The following FGFRL1 variants were observed in gnomAD, a reference collection of about 807,000 sequenced individuals.
The protein encoded by FGFRL1 is fibroblast growth factor receptor-like 1.
Under a neutral mutation model 36.8 loss-of-function variants are expected in FGFRL1, and 24 were observed. The ratio of observed to expected loss-of-function variants is 0.65; its 90% CI spans 0.47 to 0.92. FGFRL1 has a LOEUF of 0.92. Ranked by LOEUF, FGFRL1 falls within the 40% of genes least tolerant of loss-of-function variation. The pLI is 0.00. For synonymous variants in FGFRL1, 422 were observed against 344.1 expected, an observed-to-expected ratio of 1.23 and a Z score of -2.50; for missense variants, 785 against 753.4, an observed-to-expected ratio of 1.04 and a Z score of -0.49.
chr4:1,020,143 G>C (rs778749844), intron 2 of FGFRL1, among the ~76,000 whole-genome samples: 6 of 152,236 alleles, frequency 3.9e-5, no homozygotes, highest in Non-Finnish European at 7.3e-5. Flanking sequence ...AGTGGGAGAC[G>C]TCACAGGGCC....
rs752969422 is a variant in FGFRL1 at position 1,024,129 on chromosome 4, C to G, written c.718+28C>G. 9.8e-6 allele frequency: 7 copies of G among 712,032 alleles called. No homozygotes were observed. The South Asian group carries it at 1.2e-4, about 12-fold the overall frequency. The allele number at this position is 712,032 out of a possible 1,614,324, so 44.1% of individuals were successfully genotyped here. Reference sequence around the variant, plus strand: ...GAGTGTGGCCCCGGGCGCTGGCGGGCGGGGGGTGCTGGTGGGCGGGGGCGC... The same window carrying G: ...GAGTGTGGCCCCGGGCGCTGGCGGGGGGGGGGTGCTGGTGGGCGGGGGCGC... On this transcript the variant is annotated intron_variant, in intron 5 of 6. Transcript: ENST00000510644.
In FGFRL1 at chr4:1,025,038, G is replaced by A. The variant is rs1443502789; in HGVS notation, c.1206G>A (p.Gln402=). The change falls in exon 7 of 7, where the codon CAG becomes CAA. Residue 402 remains glutamine, a synonymous_variant. Transcript: ENST00000510644. The part of the protein sequence containing the change: ...GTLLLWLCQA[Q]KKPCTPAPAP... Reference sequence around the variant, plus strand: ...TGCTCCTGTGGCTTTGCCAGGCCCAGAAGAAGCCGTGCACCCCCGCGCCTG... The same window carrying A: ...TGCTCCTGTGGCTTTGCCAGGCCCAAAAGAAGCCGTGCACCCCCGCGCCTG... The A allele has an allele frequency of 2.3e-5, 37 of 1,610,802 alleles. No homozygotes were observed. The highest frequency in any genetic ancestry group is 3.1e-5 in the Non-Finnish European group (37 of 1,179,482).
chr4:1,024,388 T>G lies in FGFRL1; in HGVS notation c.796T>G (p.Phe266Val), dbSNP rs1716382520. Reference protein sequence around the residue: ...TTVDFGGTTSFQCKVRSDVKP... With the variant: ...TTVDFGGTTSVQCKVRSDVKP... ...GGTGGACTTCGGGGGGACCACGTCC[T>G]TCCAGTGCAAGGTGCGCAGCGACGT... The change falls in exon 6 of 7, where the codon TTC becomes GTC. Residue 266 changes from phenylalanine to valine, a missense_variant. Phe to Val is a conservative substitution (Grantham distance 50). Coordinates refer to ENST00000510644, the MANE Select transcript of FGFRL1 (RefSeq NM_001004356.3). 6.2e-7 allele frequency: 1 copy of G among 1,612,480 alleles called. No homozygotes were observed.
At position 1,025,061 on chromosome 4, in the gene FGFRL1, C is replaced by T; in HGVS notation, c.1229C>T (p.Pro410Leu). Residue 410 changes from proline to leucine, a missense_variant, in exon 7 of 7, where the codon CCT (proline) becomes CTT (leucine). Pro to Leu is a moderately conservative substitution (Grantham distance 98). Transcript: ENST00000510644. ...CAGAAGAAGCCGTGCACCCCCGCGC[C>T]TGCCCCTCCCCTGCCTGGGCACCGC... ...QAQKKPCTPA[P>L]APPLPGHRPP... 1.2e-6 allele frequency: 2 copies of T among 1,609,904 alleles called. No individual in the cohort carries two copies. The highest frequency in any genetic ancestry group is 1.7e-6 in the Non-Finnish European group (2 of 1,178,588).
Position 1,025,520 on chromosome 4 carries a change from C to A in FGFRL1, c.*173C>A, listed in dbSNP as rs1716471994. ...CTGGACACACACACACAGACACACA[C>A]ACTGCCTGGATGCATGTATGCACAC... On this transcript the variant is annotated 3_prime_UTR_variant, in exon 7 of 7. Coordinates refer to ENST00000510644, the MANE Select transcript of FGFRL1 (RefSeq NM_001004356.3). 2 of 785,984 alleles carry A rather than the reference C, an allele frequency of 2.5e-6. No individual in the cohort carries two copies. The highest frequency in any genetic ancestry group is 4.0e-6 in the Non-Finnish European group (2 of 498,774). 48.7% of individuals were successfully genotyped at this position (785,984 alleles called of 1,614,324 possible).
Position 1,023,464 on chromosome 4 carries a change from G to T in FGFRL1, c.353-177G>T, listed in dbSNP as rs760756703. Among the ~76,000 whole-genome samples, 51 of 152,176 alleles carry T rather than the reference G, an allele frequency of 3.4e-4. No individual in the cohort carries two copies. Among genetic ancestry groups the T allele is most frequent in the Admixed American group, 2.7e-3 (42 of 15,288 alleles). On this transcript the variant is annotated intron_variant, in intron 3 of 6. Transcript: ENST00000510644. The surrounding 1 kb of genome is among the most constrained non-coding windows in gnomAD (Gnocchi z 6.0). The stretch of plus-strand genomic sequence containing the variant: ...TCACCTGCGCCCAGTGTGGGCCAGC[G>T]GCCCTTGCCCAGCTGTCCCTGGGAT...
In FGFRL1 at chr4:1,026,225, G is replaced by A. The variant is rs4647943; in HGVS notation, c.*878G>A. The A allele has an allele frequency of 1.4e-3, 223 of 153,930 alleles. No homozygotes were observed. Among genetic ancestry groups the A allele is most frequent in the Middle Eastern group, 3.3e-3 (1 of 300 alleles). The allele number at this position is 153,930 out of a possible 1,614,324, so 9.5% of individuals were successfully genotyped here. ...GCAGATATGCTGTCCGGATACACAC[G>A]CACGCACACATGCAGATATGCTGCC... On this transcript the variant is annotated 3_prime_UTR_variant, in exon 7 of 7. Transcript: ENST00000510644.
intron 2 of FGFRL1, among the ~76,000 whole-genome samples, chr4:1,012,777 C>T (rs113868541): frequency 0.017 from 2,558 of 152,360 alleles, 61 homozygotes; most frequent in South Asian, 0.061. Context: ...GAGGGGTTCC[C>T]CTCATGCGTG....
chr4:1,015,853 C>A (rs1056723780), intron 2 of FGFRL1, among the ~76,000 whole-genome samples: 1 of 152,212 alleles, frequency 6.6e-6, no homozygotes, highest in African/African-American at 2.4e-5. Flanking sequence ...GGCTTCAAGG[C>A]CCTCTACACT....
chr4:1,014,166 G>T (rs1349984500), intron 2 of FGFRL1, among the ~76,000 whole-genome samples: 1 of 152,160 alleles, frequency 6.6e-6, no homozygotes, highest in Non-Finnish European at 1.5e-5. Flanking sequence ...GCCATTTCCC[G>T]CTGGGTCATA....
At chr4:1,013,593 C>T (rs1715728924) in intron 2 of FGFRL1, among the ~76,000 whole-genome samples, 1 of 152,376 alleles carries the variant, frequency 6.6e-6, no homozygotes, top group Admixed American at 6.5e-5. Flanking sequence ...GGCCCGGCAG[C>T]GTCCTGGGCT....
chr4:1,020,654 C>G (rs1391287789), intron 2 of FGFRL1, among the ~76,000 whole-genome samples: 2 of 72,560 alleles, frequency 2.8e-5, no homozygotes, highest in African/African-American at 5.8e-5. Flanking sequence ...GGTGGGGACC[C>G]AGGCAGGGGA....
At chr4:1,019,127 T>A (rs981399472) in intron 2 of FGFRL1, among the ~76,000 whole-genome samples, 10 of 152,206 alleles carry the variant, frequency 6.6e-5, no homozygotes, top group Non-Finnish European at 1.3e-4. Flanking sequence ...CGCATGCCTT[T>A]GGGGACCCTT....
chr4:1,023,672 G>A lies in FGFRL1; in HGVS notation c.384G>A (p.Gly128=). The change falls in exon 4 of 7, where the codon GGG becomes GGA. Residue 128 remains glycine (G), a synonymous_variant. Transcript: ENST00000510644. The surrounding 1 kb of genome is among the most constrained non-coding windows in gnomAD (Gnocchi z 6.0). ...TTAGCCCAGGGAAGGAGAGCCTGGG[G>A]CCCGACAGCTCCTCTGGGGGTCAAG... ...DDISPGKESL[G]PDSSSGGQED... is the part of the protein sequence containing the mutation. 6.2e-7 allele frequency: 1 copy of A among 1,603,708 alleles called. No homozygotes were observed. The highest frequency in any genetic ancestry group is 8.5e-7 in the Non-Finnish European group (1 of 1,177,250).
intron 6 of FGFRL1, 83 bp from the exon 7 acceptor site, chr4:1,024,822 A>G: frequency 1.4e-6 from 2 of 1,433,150 alleles, no homozygotes; most frequent in South Asian, 1.3e-5. Flanking sequence ...CCGTCTCCAC[A>G]GCCCCTGGGA....
rs1215215591 is a variant in FGFRL1, at chr4:1,025,493, C to T, written c.*146C>T. 1.1e-6 allele frequency: 1 copy of T among 918,664 alleles called. No individual in the cohort carries two copies. The highest frequency in any genetic ancestry group is 1.6e-6 in the Non-Finnish European group (1 of 613,240). 56.9% of individuals were successfully genotyped at this position (918,664 alleles called of 1,614,324 possible). On this transcript the variant is annotated 3_prime_UTR_variant, in exon 7 of 7. Coordinates refer to ENST00000510644, the MANE Select transcript of FGFRL1 (RefSeq NM_001004356.3). ...AGGCAGTCTGTGTGTGAGGCATAGCCCCTGGACACACACACACAGACACAC... is the reference window on the plus strand; with the variant it reads ...AGGCAGTCTGTGTGTGAGGCATAGCTCCTGGACACACACACACAGACACAC...
chr4:1,025,988 A>T lies in FGFRL1; in HGVS notation c.*641A>T, dbSNP rs1352692522. ...AGGCGCAGATATGCTGCCTGGACAC[A>T]CGCAGATATGCTGTCTAGTCACACA... is the stretch of plus-strand genomic sequence containing the variant. On this transcript the variant is annotated 3_prime_UTR_variant, in exon 7 of 7. Transcript: ENST00000510644. 6.4e-6 allele frequency: 1 copy of T among 155,342 alleles called. No homozygotes were observed. The allele number at this position is 155,342 out of a possible 1,614,324, so 9.6% of individuals were successfully genotyped here.
chr4:1,025,247 C>T lies in FGFRL1; in HGVS notation c.1415C>T (p.Pro472Leu), dbSNP rs1716450014. The change falls in exon 7 of 7, where the codon CCC becomes CTC. Residue 472 changes from proline (P) to leucine (L), a missense_variant. Transcript: ENST00000510644. Reference protein sequence around the residue: ...PGPVAGPKLYPKLYTDIHTHT... With the variant: ...PGPVAGPKLYLKLYTDIHTHT... ...CCAGTTGCTGGCCCTAAGTTGTACC[C>T]CAAACTCTACACAGACATCCACACA... 1 of 1,607,828 alleles carries T rather than the reference C, an allele frequency of 6.2e-7. No homozygotes were observed. The highest frequency in any genetic ancestry group is 8.5e-7 in the Non-Finnish European group (1 of 1,177,674).
intron 2 of FGFRL1, among the ~76,000 whole-genome samples, chr4:1,013,610 G>T (rs903818934): frequency 2.6e-5 from 4 of 152,272 alleles, no homozygotes; most frequent in African/African-American, 9.6e-5. Context: ...GGCTGTGTGG[G>T]CACTCAGGCC....
Sources: allele counts gnomAD v4.1 joint callset (sites outside exome capture counted in the v4.1 genomes callset), GRCh38; gene constraint gnomAD v4.1.1; non-coding constraint Gnocchi (gnomAD v3.1); transcripts MANE v1.5; gene names NCBI Gene and HGNC (gene_info 2026-07-23, HGNC 2026-07-21).